IPCEF1: variants seen among roughly 807,000 people sequenced by gnomAD.
The protein encoded by IPCEF1 is interaction protein for cytohesin exchange factors 1.
Under a neutral mutation model 50.9 loss-of-function variants are expected in IPCEF1, and 31 were observed. That is an observed-to-expected ratio of 0.61 (90% confidence interval 0.46 to 0.82). The LOEUF is 0.82. IPCEF1 is among the 40% of genes least tolerant of loss of function. The pLI is 0.00. For missense variants in IPCEF1, 458 were observed against 514.0 expected (o/e 0.89, Z 1.05); for synonymous variants, 181 against 192.0 (o/e 0.94, Z 0.47).
At chr6:154,227,342 G>A (rs559184271) in intron 5 of IPCEF1, among the ~76,000 whole-genome samples, 12 of 152,072 alleles carry the variant, frequency 7.9e-5, no homozygotes, top group African/African-American at 2.4e-4. Context: ...ACAATAAATC[G>A]ATCTCAAATG....
rs1798773295 is a variant in IPCEF1 at position 154,157,746 on chromosome 6, A to C, written c.*2082T>G. 1 of 152,244 alleles carries C rather than the reference A, an allele frequency of 6.6e-6. No homozygotes were observed. Among genetic ancestry groups the C allele is most frequent in the African/African-American group, 2.4e-5 (1 of 41,474 alleles). 9.4% of individuals were successfully genotyped at this position (152,244 alleles called of 1,614,324 possible). On this transcript the variant is annotated 3_prime_UTR_variant, in exon 12 of 12. Coordinates refer to ENST00000367220, the MANE Select transcript of IPCEF1 (RefSeq NM_001130700.2). ...TTTATGTCACACTGTTATTTCTGCT[A>C]TTGTTATTTGTTGTTCCTTCAATAC...
chr6:154,296,552 G>A (rs999701406), intron 1 of IPCEF1, among the ~76,000 whole-genome samples: 6 of 152,112 alleles, frequency 3.9e-5, no homozygotes, highest in South Asian at 4.1e-4. Flanking sequence ...AATATCGGCC[G>A]GGCGTGGTGG....
chr6:154,251,779 T>A (rs1195119596), intron 3 of IPCEF1, among the ~76,000 whole-genome samples: 1 of 147,384 alleles, frequency 6.8e-6, no homozygotes, highest in Non-Finnish European at 1.5e-5. Context: ...AAAGAAGAAA[T>A]GAAAGGAGGA....
At chr6:154,288,692 A>C (rs1583950333) in intron 2 of IPCEF1, among the ~76,000 whole-genome samples, 3 of 132,578 alleles carry the variant, frequency 2.3e-5, no homozygotes, top group South Asian at 2.2e-4. Context: ...AAAAAAAAAA[A>C]AAAAAAAAAA....
At chr6:154,284,541 GC>G (rs1395087822) in intron 2 of IPCEF1, among the ~76,000 whole-genome samples, 1 of 152,166 alleles carries the variant, frequency 6.6e-6, no homozygotes, top group South Asian at 2.1e-4. Context: ...GAGTATGAGT[GC>G]CCCACACCCT....
intron 5 of IPCEF1, among the ~76,000 whole-genome samples, chr6:154,230,232 G>GT (rs1321389752): frequency 5.3e-5 from 8 of 152,150 alleles, no homozygotes; most frequent in Non-Finnish European, 1.2e-4. Context: ...TAATAAAGCT[G>GT]TTTTTAAAAA....
intron 11 of IPCEF1, among the ~76,000 whole-genome samples, chr6:154,163,597 A>T (rs1043606499): frequency 6.6e-6 from 1 of 152,236 alleles, no homozygotes; most frequent in Non-Finnish European, 1.5e-5. Context: ...GCCCAGTGCT[A>T]TAGCCCCAAG....
rs139885239 is a variant in IPCEF1, at chr6:154,200,631, G to T, written c.538-591C>A. ...AGCTATTCAGGAGACTGAGGCAGGA[G>T]AATCACTTGAACCTGGGAGGCAGAG... On this transcript the variant is annotated intron_variant, in intron 9 of 11. Coordinates refer to ENST00000367220, the MANE Select transcript of IPCEF1 (RefSeq NM_001130700.2). Among the ~76,000 whole-genome samples the T allele has an allele frequency of 6.4e-4, 97 of 152,242 alleles. No individual in the cohort carries two copies. The East Asian group carries it at 0.018, about 28-fold the overall frequency.
chr6:154,215,099 C>T (rs1031634345), intron 7 of IPCEF1, among the ~76,000 whole-genome samples: 2 of 152,122 alleles, frequency 1.3e-5, no homozygotes, highest in African/African-American at 4.8e-5. Flanking sequence ...AGGGAAAATC[C>T]GTGCTACACG....
At chr6:154,302,393 CAT>C (rs1782818478) in intron 1 of IPCEF1, among the ~76,000 whole-genome samples, 1 of 152,168 alleles carries the variant, frequency 6.6e-6, no homozygotes, top group Non-Finnish European at 1.5e-5. Context: ...AGTCTGGACA[CAT>C]ATGGAAATCC....
intron 5 of IPCEF1, among the ~76,000 whole-genome samples, chr6:154,235,472 A>G (rs553081282): frequency 1.3e-4 from 19 of 149,168 alleles, no homozygotes; most frequent in African/African-American, 4.7e-4. Flanking sequence ...CAGAGGTCAC[A>G]GTCAGCCGAG....
At chr6:154,342,135 G>A (rs1012687916) in intron 1 of IPCEF1, among the ~76,000 whole-genome samples, 1 of 151,968 alleles carries the variant, frequency 6.6e-6, no homozygotes, top group African/African-American at 2.4e-5. Context: ...ATTCTTTGCT[G>A]GCCTCCCATA....
intron 1 of IPCEF1, among the ~76,000 whole-genome samples, chr6:154,309,886 C>A (rs1366865254): frequency 6.6e-5 from 10 of 151,948 alleles, no homozygotes; most frequent in Admixed American, 6.6e-4. Context: ...GGGTCAGCCT[C>A]CCAAGTAGCT....
At chr6:154,170,307 G>C (rs1799771015) in intron 10 of IPCEF1, among the ~76,000 whole-genome samples, 1 of 152,168 alleles carries the variant, frequency 6.6e-6, no homozygotes, top group African/African-American at 2.4e-5. Context: ...TCTATAGAAA[G>C]TATGGCATTA....
intron 10 of IPCEF1, among the ~76,000 whole-genome samples, chr6:154,189,546 A>G (rs111679458): frequency 2.0e-5 from 3 of 152,392 alleles, no homozygotes; most frequent in African/African-American, 7.2e-5. Flanking sequence ...AATGTAGTAT[A>G]TAGTTCAAGA....
intron 10 of IPCEF1, among the ~76,000 whole-genome samples, chr6:154,178,795 A>G (rs1651951000): frequency 6.6e-6 from 1 of 152,228 alleles, no homozygotes; most frequent in African/African-American, 2.4e-5. Context: ...ATGAAAGGCA[A>G]ATTATCACTC....
rs539900215 is a variant in IPCEF1, at chr6:154,191,402, G to A, written c.910+8266C>T. Among the ~76,000 whole-genome samples, 14 of 152,162 alleles carry A rather than the reference G, an allele frequency of 9.2e-5. No homozygotes were observed. In the South Asian group the frequency reaches 1.7e-3, roughly 18 times the overall value. On this transcript the variant is annotated intron_variant, in intron 10 of 11. Transcript: ENST00000367220. ...AAAGAGTGAACCCCATGCCAGGCGC[G>A]GTGGCTCACGTCTGTAATCCCAGCA...
chr6:154,352,065 G>A (rs368644277), intron 1 of IPCEF1, among the ~76,000 whole-genome samples: 1 of 151,844 alleles, frequency 6.6e-6, no homozygotes, highest in Non-Finnish European at 1.5e-5. Context: ...GATCTATGCA[G>A]CAAACCACCA....
intron 7 of IPCEF1, among the ~76,000 whole-genome samples, chr6:154,219,557 C>T (rs183275593): frequency 2.0e-5 from 3 of 152,138 alleles, no homozygotes; most frequent in East Asian, 3.9e-4. Flanking sequence ...CAAGTGCTAG[C>T]GGGCGAGACC....
Sources: gnomAD v4.1 joint callset for allele counts (sites outside exome capture counted in the v4.1 genomes callset) on GRCh38, gnomAD v4.1.1 for gene constraint, MANE v1.5 for transcripts, NCBI Gene and HGNC (gene_info 2026-07-23, HGNC 2026-07-21) for gene names.